Variants in TMEM182 observed in about 807,000 individuals in gnomAD.
TMEM182 encodes transmembrane protein 182.
TMEM182 carries 20 observed loss-of-function variants against 26.8 expected under a neutral mutation model. That is an observed-to-expected ratio of 0.75 (90% CI 0.53 to 1.09). The LOEUF is 1.09. Among genes scored for constraint, TMEM182 ranks in the 50% least tolerant of loss-of-function variants. The pLI is 0.00. For synonymous variants in TMEM182, 109 were observed against 102.2 expected, an observed-to-expected ratio of 1.07 and a Z score of -0.40; for missense variants, 277 against 275.5, an observed-to-expected ratio of 1.01 and a Z score of -0.04.
chr2:102,815,443 C>T lies in TMEM182; in HGVS notation c.*475C>T, dbSNP rs1363300214. The T allele has an allele frequency of 1.0e-6, 1 of 988,122 alleles. No individual in the cohort carries two copies. The highest frequency in any genetic ancestry group is 1.2e-6 in the Non-Finnish European group (1 of 831,940). The allele number at this position is 988,122 out of a possible 1,614,324, so 61.2% of individuals were successfully genotyped here. A position where few individuals can be genotyped will look rare whatever the true frequency, so the allele number is the denominator to read the frequency against. On this transcript the variant is annotated 3_prime_UTR_variant, in exon 5 of 5. Coordinates refer to ENST00000412401, the MANE Select transcript of TMEM182 (RefSeq NM_144632.5). ...ATATCCACATACACATTCACTGGCT[C>T]TTGTGAGCAAATGAATTTAAAAATA...
intron 1 of TMEM182, among the ~76,000 whole-genome samples, chr2:102,740,004 G>C (rs1293292995): frequency 6.6e-6 from 1 of 151,990 alleles, no homozygotes; most frequent in East Asian, 1.9e-4. Flanking sequence ...TAAAATCAAA[G>C]ACCCAAGAGA....
Position 102,776,725 on chromosome 2 carries a change from C to T in TMEM182, c.331+12298C>T, listed in dbSNP as rs563841091. Among the ~76,000 whole-genome samples the T allele has an allele frequency of 7.2e-5, 11 of 152,222 alleles. No individual in the cohort carries two copies. The South Asian group carries it at 1.5e-3, about 20-fold the overall frequency. On this transcript the variant is annotated intron_variant, in intron 3 of 4. Transcript: ENST00000412401. ...GGTGAGAGCATGCTTAAAGAAGCTG[C>T]GAAGCGGTCTTCCAAAGAGACCATA...
chr2:102,752,720 G>T (rs190190482), intron 1 of TMEM182, among the ~76,000 whole-genome samples: 1 of 152,190 alleles, frequency 6.6e-6, no homozygotes, highest in Non-Finnish European at 1.5e-5. Context: ...CAAGCACCTC[G>T]TCTGGAAAGT....
In TMEM182 at chr2:102,812,665, G is replaced by A. The variant is rs1437587221; in HGVS notation, c.470-2083G>A. Among the ~76,000 whole-genome samples, 3 of 152,112 alleles carry A rather than the reference G, an allele frequency of 2.0e-5. No individual in the cohort carries two copies. The East Asian group carries it at 5.8e-4, about 29-fold the overall frequency. On this transcript the variant is annotated intron_variant, in intron 4 of 4. Transcript: ENST00000412401. ...TTCCTAATACTCAAAGTTCAGTGATGGGTTTTTCAATTTTTGAAAAGATAA... is the reference window on the plus strand; with the variant it reads ...TTCCTAATACTCAAAGTTCAGTGATAGGTTTTTCAATTTTTGAAAAGATAA...
chr2:102,759,989 G>A (rs1680158491), upstream of TMEM182, among the ~76,000 whole-genome samples: 1 of 152,196 alleles, frequency 6.6e-6, no homozygotes, highest in Admixed American at 6.5e-5. Context: ...ATATTGCCAT[G>A]TAAAATAACA....
downstream of TMEM182, among the ~76,000 whole-genome samples, chr2:102,822,329 G>C (rs1054413988): frequency 1.3e-5 from 2 of 152,118 alleles, no homozygotes; most frequent in Non-Finnish European, 2.9e-5. Flanking sequence ...CTGCGGAGAA[G>C]TCAGAAATAG....
At chr2:102,802,341 C>A (rs1176312848) in intron 4 of TMEM182, among the ~76,000 whole-genome samples, 1 of 152,102 alleles carries the variant, frequency 6.6e-6, no homozygotes, top group Non-Finnish European at 1.5e-5. Flanking sequence ...AGGCTCAGAG[C>A]AAGGCTCAGA....
At chr2:102,789,121 G>A (rs1274387992) in intron 3 of TMEM182, among the ~76,000 whole-genome samples, 3 of 152,190 alleles carry the variant, frequency 2.0e-5, no homozygotes, top group Non-Finnish European at 2.9e-5. Context: ...GGGTAGTGGC[G>A]TGTTTTGTTT....
intron 3 of TMEM182, among the ~76,000 whole-genome samples, chr2:102,797,509 C>A (rs1681918059): frequency 1.3e-5 from 2 of 152,082 alleles, no homozygotes; most frequent in South Asian, 4.1e-4. Flanking sequence ...TCTAGGCTAC[C>A]CAACTGGGTA....
At chr2:102,791,568 A>G (rs1054178383) in intron 3 of TMEM182, among the ~76,000 whole-genome samples, 1 of 152,204 alleles carries the variant, frequency 6.6e-6, no homozygotes, top group Non-Finnish European at 1.5e-5. Flanking sequence ...TCATAGGCCA[A>G]TTTACCAACT....
chr2:102,752,642 C>T (rs527945029), intron 1 of TMEM182, among the ~76,000 whole-genome samples: 1 of 152,222 alleles, frequency 6.6e-6, no homozygotes, highest in Non-Finnish European at 1.5e-5. Context: ...CACTCTCTTT[C>T]TCACTGATTA....
chr2:102,792,165 A>G (rs780658092), intron 3 of TMEM182, among the ~76,000 whole-genome samples: 199 of 151,710 alleles, frequency 1.3e-3, no homozygotes, highest in Non-Finnish European at 2.3e-3. Context: ...ATATATAAAT[A>G]ATTTAAAGCC....
chr2:102,763,579 A>T (rs1298604836), intron 2 of TMEM182, among the ~76,000 whole-genome samples: 1 of 152,188 alleles, frequency 6.6e-6, no homozygotes, highest in Non-Finnish European at 1.5e-5. Context: ...CAAAGTAGTG[A>T]TGAAGCAGCG....
At chr2:102,757,022 G>A (rs1680059672) in intron 1 of TMEM182, among the ~76,000 whole-genome samples, 1 of 152,100 alleles carries the variant, frequency 6.6e-6, no homozygotes, top group Admixed American at 6.5e-5. Flanking sequence ...ATCTTGGCCA[G>A]GCTGGTCCTG....
downstream of TMEM182, among the ~76,000 whole-genome samples, chr2:102,818,105 G>GT (rs1223465840): frequency 2.6e-5 from 4 of 152,168 alleles, no homozygotes; most frequent in East Asian, 5.8e-4. Flanking sequence ...TGGTGATGGG[G>GT]TTACATTGAA....
Position 102,816,289 on chromosome 2 carries a change from A to G in TMEM182, c.*1321A>G, listed in dbSNP as rs971413168. 1.0e-6 allele frequency: 1 copy of G among 985,216 alleles called. No individual in the cohort carries two copies. Among genetic ancestry groups the G allele is most frequent in the Non-Finnish European group, 1.2e-6 (1 of 829,948 alleles). The allele number at this position is 985,216 out of a possible 1,614,324, so 61.0% of individuals were successfully genotyped here. ...TTCATTCTGCAGCTGTTGTGAGGAC[A>G]GAGAGGCATGGCCCACAGGCAAAAA... On this transcript the variant is annotated 3_prime_UTR_variant, in exon 5 of 5. Transcript: ENST00000412401.
At chr2:102,766,634 C>T (rs17027932) in intron 3 of TMEM182, among the ~76,000 whole-genome samples, 1,583 of 152,130 alleles carry the variant, frequency 0.01, 32 homozygotes, top group African/African-American at 0.036. Flanking sequence ...AAGCTTTGTA[C>T]CTGACTTTTC....
chr2:102,841,399 A>G (rs1386448614), intron 3 of TMEM182, among the ~76,000 whole-genome samples: 2 of 152,186 alleles, frequency 1.3e-5, no homozygotes, highest in African/African-American at 4.8e-5. Flanking sequence ...AGTATCCTGC[A>G]GAGGACCCGG....
downstream of TMEM182, among the ~76,000 whole-genome samples, chr2:102,819,118 G>C (rs1010021681): frequency 2.6e-5 from 4 of 152,156 alleles, no homozygotes; most frequent in Non-Finnish European, 5.9e-5. Context: ...GAAAATGTAG[G>C]ATAGTTGTCT....
Sources: gnomAD v4.1 joint callset for allele counts (sites outside exome capture counted in the v4.1 genomes callset) on GRCh38, gnomAD v4.1.1 for gene constraint, MANE v1.5 for transcripts, NCBI Gene and HGNC (gene_info 2026-07-23, HGNC 2026-07-21) for gene names.